Variants in OAS3 observed in about 807,000 individuals in gnomAD.
The protein encoded by OAS3 is 2'-5'-oligoadenylate synthase 3.
Under a neutral mutation model 113.0 loss-of-function variants are expected in OAS3, and 107 were observed. That is an observed-to-expected ratio of 0.95 (90% CI 0.81 to 1.11). The LOEUF is 1.11. Ranked by LOEUF, OAS3 falls within the 50% of genes most tolerant of loss-of-function variation. The probability of loss-of-function intolerance (pLI) is 0.00; values close to 1 mark genes in which losing one functional copy is unlikely to be tolerated. For synonymous variants in OAS3, 552 were observed against 573.6 expected (o/e 0.96, Z 0.54); for missense variants, 1,258 against 1,389.1 (o/e 0.91, Z 1.50).
chr12:112,955,935 G>A (rs1358171895), intron 7 of OAS3, among the ~76,000 whole-genome samples: 1 of 152,134 alleles, frequency 6.6e-6, no homozygotes, highest in Non-Finnish European at 1.5e-5. Flanking sequence ...TTGTACCTCT[G>A]GTAGAATTCG....
chr12:112,967,352 T>C, intron 12 of OAS3, 66 bp from the exon 13 acceptor site: 1 of 1,474,630 alleles, frequency 6.8e-7, no homozygotes, highest in Non-Finnish European at 9.2e-7. Flanking sequence ...CAGAAGTCCT[T>C]TCTAAGTTGG....
chr12:112,957,680 T>A (rs1028407526), intron 7 of OAS3, among the ~76,000 whole-genome samples: 1 of 152,262 alleles, frequency 6.6e-6, no homozygotes, highest in Admixed American at 6.5e-5. Flanking sequence ...CTCTTCTGGC[T>A]TGTAGAGTTT....
At chr12:112,956,606 T>C (rs1384678452) in intron 7 of OAS3, among the ~76,000 whole-genome samples, 2 of 152,256 alleles carry the variant, frequency 1.3e-5, no homozygotes, top group African/African-American at 4.8e-5. Context: ...CAAGTAGTCA[T>C]TCAGGAGCAG....
At chr12:112,951,734 CA>C (rs2043794193) in intron 7 of OAS3, among the ~76,000 whole-genome samples, 1 of 150,844 alleles carries the variant, frequency 6.6e-6, no homozygotes, top group African/African-American at 2.4e-5. Context: ...TGGTGGATCA[CA>C]CCTGTAATCC....
intron 7 of OAS3, among the ~76,000 whole-genome samples, chr12:112,960,247 T>C (rs2043870273): frequency 6.6e-6 from 1 of 152,106 alleles, no homozygotes; most frequent in Admixed American, 6.6e-5. Flanking sequence ...CAGTCTGGGA[T>C]TTCCTCACCA....
Position 112,954,975 on chromosome 12 carries a change from T to C in OAS3, c.1657+4000T>C, listed in dbSNP as rs2043820886. ...TGAGCATGGAATGTTCTTCCATTTG[T>C]TTGTGTCCTGTTTTATTTCACTGAG... On this transcript the variant is annotated intron_variant, in intron 7 of 15. Coordinates refer to ENST00000228928, the MANE Select transcript of OAS3 (RefSeq NM_006187.4). This position sits in a 1 kb window ranked among gnomAD's most constrained non-coding sequence, Gnocchi z 4.0. 6.6e-6 allele frequency among the ~76,000 whole-genome samples: 1 copy of C among 152,256 alleles called. No individual in the cohort carries two copies. Among genetic ancestry groups the C allele is most frequent in the African/African-American group, 2.4e-5 (1 of 41,466 alleles).
At chr12:112,945,759 C>T (rs1005254166) in intron 3 of OAS3, among the ~76,000 whole-genome samples, 1 of 152,200 alleles carries the variant, frequency 6.6e-6, no homozygotes, top group Admixed American at 6.5e-5. Flanking sequence ...ATATATGCAT[C>T]GGCAAATCTT....
intron 14 of OAS3, chr12:112,969,384 G>A (rs563554722): frequency 1.6e-4 from 96 of 587,830 alleles, no homozygotes; most frequent in Middle Eastern, 4.5e-4. Flanking sequence ...CGGTAGCACC[G>A]TGGTTGATTA....
chr12:112,954,068 C>G lies in OAS3; in HGVS notation c.1657+3093C>G, dbSNP rs1168444620. On this transcript the variant is annotated intron_variant, in intron 7 of 15. Coordinates refer to ENST00000228928, the MANE Select transcript of OAS3 (RefSeq NM_006187.4). The surrounding 1 kb of genome is among the most constrained non-coding windows in gnomAD (Gnocchi z 4.0). The stretch of plus-strand genomic sequence containing the variant: ...TTTAGTCATGAAGTCCTTGCCCATG[C>G]CTATGTCCTGAATGGTATTGCCTAG... Among the ~76,000 whole-genome samples the G allele has an allele frequency of 2.0e-5, 3 of 152,128 alleles. No individual in the cohort carries two copies. Among genetic ancestry groups the G allele is most frequent in the Non-Finnish European group, 4.4e-5 (3 of 68,036 alleles).
intron 14 of OAS3, among the ~76,000 whole-genome samples, chr12:112,968,522 T>C (rs1047136846): frequency 6.6e-6 from 1 of 152,162 alleles, no homozygotes; most frequent in Non-Finnish European, 1.5e-5. Flanking sequence ...GGTTTTTTGT[T>C]GTTGTTGTTG....
chr12:112,947,971 C>A lies in OAS3; in HGVS notation c.901C>A (p.Pro301Thr), dbSNP rs753440578. The A allele has an allele frequency of 1.2e-6, 2 of 1,601,992 alleles. No individual in the cohort carries two copies. Among genetic ancestry groups the A allele is most frequent in the Admixed American group, 3.4e-5 (2 of 58,154 alleles). Reference sequence around the variant, plus strand: ...GCCTGTGATCCTGGACCCAGCTGACCCCACATGGGACCTGGGGAATGGGGC... The same window carrying A: ...GCCTGTGATCCTGGACCCAGCTGACACCACATGGGACCTGGGGAATGGGGC... ...PRPVILDPAD[P>T]TWDLGNGAAW... Residue 301 changes from proline to threonine, a missense_variant, in exon 5 of 16, where the codon CCC becomes ACC. Transcript: ENST00000228928.
chr12:112,967,467 C>T lies in OAS3; in HGVS notation c.2739C>T (p.Leu913=), dbSNP rs767335089. The change falls in exon 13 of 16, where the codon CTC becomes CTT. Residue 913 remains leucine, a synonymous_variant. Coordinates refer to ENST00000228928, the MANE Select transcript of OAS3 (RefSeq NM_006187.4). The part of the protein sequence containing the change: ...SRPSSQVYVD[L]IHSYSNAGEY... ...CCAGCTCTCAAGTCTACGTCGACCT[C>T]ATCCACAGCTACAGCAATGCGGGCG... 2 of 1,613,672 alleles carry T rather than the reference C, an allele frequency of 1.2e-6. No individual in the cohort carries two copies. The highest frequency in any genetic ancestry group is 1.1e-5 in the South Asian group (1 of 90,928).
chr12:112,944,231 G>A (rs566600346), intron 2 of OAS3, among the ~76,000 whole-genome samples: 3 of 152,186 alleles, frequency 2.0e-5, no homozygotes, highest in Admixed American at 2.0e-4. Flanking sequence ...GTTGCTCTAG[G>A]GACTGCCTGG....
At chr12:112,966,838 A>G (rs2043938342) in intron 12 of OAS3, among the ~76,000 whole-genome samples, 1 of 152,160 alleles carries the variant, frequency 6.6e-6, no homozygotes, top group African/African-American at 2.4e-5. Context: ...AGATGGGGAT[A>G]TGACTATGTT....
Position 112,961,215 on chromosome 12 carries a change from T to G in OAS3, c.1802T>G (p.Leu601Arg). 2 of 1,614,042 alleles carry G rather than the reference T, an allele frequency of 1.2e-6. No homozygotes were observed. The highest frequency in any genetic ancestry group is 1.7e-6 in the Non-Finnish European group (2 of 1,179,880). The change falls in exon 8 of 16, where the codon CTG becomes CGG. Residue 601 changes from leucine to arginine, a missense_variant. Transcript: ENST00000228928. ...ATTCGCCCTGTCAAGCTGAAGAACC[T>G]GATTCTGCTGGTGAAGCACTGGTAC... ...MNIRPVKLKN[L>R]ILLVKHWYRQ...
In OAS3 at chr12:112,946,677, T is replaced by C. The variant is rs1593175517; in HGVS notation, c.637-66T>C. The C allele has an allele frequency of 7.9e-6, 11 of 1,386,354 alleles. No individual in the cohort carries two copies. The East Asian group carries it at 2.7e-4, about 34-fold the overall frequency. The allele number at this position is 1,386,354 out of a possible 1,614,324, so 85.9% of individuals were successfully genotyped here. A position where few individuals can be genotyped will look rare whatever the true frequency, so the allele number is the denominator to read the frequency against. On this transcript the variant is annotated intron_variant, in intron 3 of 15. Transcript: ENST00000228928. Reference sequence around the variant, plus strand: ...GCCTGGAAGGTCCCCAGTCTGGTTATGCAGAGAGCTGGCTCTCTTTCCTCC... The same window carrying C: ...GCCTGGAAGGTCCCCAGTCTGGTTACGCAGAGAGCTGGCTCTCTTTCCTCC...
At chr12:112,969,337 G>A in intron 14 of OAS3, 1 of 498,406 alleles carries the variant, frequency 2.0e-6, no homozygotes, top group Non-Finnish European at 3.7e-6. Context: ...TGTTGTGATT[G>A]ATTAACAATG....
chr12:112,948,819 C>G, intron 5 of OAS3, 42 bp from the exon 6 acceptor site: 8 of 1,465,500 alleles, frequency 5.5e-6, no homozygotes, highest in Non-Finnish European at 7.4e-6. Flanking sequence ...GATGCAGAAA[C>G]CACTGCGCCT....
chr12:112,950,018 T>G (rs2043774564), intron 6 of OAS3, among the ~76,000 whole-genome samples: 1 of 152,120 alleles, frequency 6.6e-6, no homozygotes, highest in African/African-American at 2.4e-5. Context: ...AAACTCCGTC[T>G]CAAAAATAAA....
Sources: allele counts gnomAD v4.1 joint callset (sites outside exome capture counted in the v4.1 genomes callset), GRCh38; gene constraint gnomAD v4.1.1; non-coding constraint Gnocchi (gnomAD v3.1); transcripts MANE v1.5; gene names NCBI Gene and HGNC (gene_info 2026-07-23, HGNC 2026-07-21).